Variants in ZNF469 observed in about 807,000 individuals in gnomAD.
The protein encoded by ZNF469 is zinc finger protein 469.
ZNF469 carries 1 observed loss-of-function variant against 1.0 expected under a neutral mutation model. The observed-to-expected ratio is 1.00, with a 90% confidence interval of 0.35 to 4.73. The LOEUF is 4.73. ZNF469 is among the 30% of genes most tolerant of loss of function. The pLI is 0.16. For missense variants in ZNF469, 6,100 were observed against 5,356.3 expected (o/e 1.14, Z -4.33); for synonymous variants, 2,703 against 2,363.4 (o/e 1.14, Z -4.17).
At chr16:88,253,622 C>A in the ZNF469 span, among the ~76,000 whole-genome samples, 2 of 151,156 alleles carry the variant, frequency 1.3e-5, no homozygotes, top group Admixed American at 6.6e-5. Context: ...ACTGCAAACT[C>A]TGCCTCCAGG....
the ZNF469 span, among the ~76,000 whole-genome samples, chr16:88,113,974 C>G: frequency 3.3e-5 from 5 of 152,122 alleles, no homozygotes; most frequent in African/African-American, 1.2e-4. Context: ...GTGGGCCGTG[C>G]GATGGGAGGT....
the ZNF469 span, among the ~76,000 whole-genome samples, chr16:88,165,389 G>A: frequency 6.6e-6 from 1 of 152,192 alleles, no homozygotes. Flanking sequence ...CATTGAGGGA[G>A]GACATTGCTG....
the ZNF469 span, among the ~76,000 whole-genome samples, chr16:88,225,573 C>T: frequency 6.7e-6 from 1 of 149,290 alleles, no homozygotes; most frequent in African/African-American, 2.4e-5. Context: ...CCCATGCCCT[C>T]TGCCGCAGCC....
chr16:88,427,319 C>A (rs1403819638), intron 2 of ZNF469, among the ~76,000 whole-genome samples, 26 bp from the exon 3 acceptor site: 1 of 152,310 alleles, frequency 6.6e-6, no homozygotes, highest in East Asian at 1.9e-4. Flanking sequence ...CCCTCTGCCC[C>A]ACTCACCCCT....
the ZNF469 span, among the ~76,000 whole-genome samples, chr16:88,151,618 G>A: frequency 1.3e-5 from 2 of 152,226 alleles, no homozygotes; most frequent in Non-Finnish European, 2.9e-5. This position sits in a 1 kb window ranked among gnomAD's most constrained non-coding sequence, Gnocchi z 5.4. Flanking sequence ...AGTGTCTTCC[G>A]TGTGGATTGG....
At chr16:88,102,334 A>G in the ZNF469 span, among the ~76,000 whole-genome samples, 4 of 152,100 alleles carry the variant, frequency 2.6e-5, no homozygotes, top group South Asian at 4.1e-4. Flanking sequence ...CCTGGCCAAC[A>G]TGGTGAAACC....
chr16:88,214,488 G>T, the ZNF469 span, among the ~76,000 whole-genome samples: 1 of 151,084 alleles, frequency 6.6e-6, no homozygotes, highest in Non-Finnish European at 1.5e-5. Flanking sequence ...TTTTTAGAAG[G>T]TATGGTTTTA....
At chr16:88,239,812 G>T in the ZNF469 span, among the ~76,000 whole-genome samples, 2 of 147,060 alleles carry the variant, frequency 1.4e-5, no homozygotes, top group Non-Finnish European at 3.0e-5. Flanking sequence ...TGCCTGCCTT[G>T]GCCTCCCAAA....
chr16:88,240,620 T>C, the ZNF469 span, among the ~76,000 whole-genome samples: 7 of 152,030 alleles, frequency 4.6e-5, no homozygotes, highest in African/African-American at 1.7e-4. Flanking sequence ...GATAGGCCAC[T>C]GTGTAAGATG....
At chr16:88,270,061 G>A in the ZNF469 span, among the ~76,000 whole-genome samples, 1 of 152,200 alleles carries the variant, frequency 6.6e-6, no homozygotes, top group African/African-American at 2.4e-5. Flanking sequence ...GCCATCATCA[G>A]CTGGAGACTG....
chr16:88,320,034 C>T, the ZNF469 span, among the ~76,000 whole-genome samples: 3 of 152,214 alleles, frequency 2.0e-5, no homozygotes, highest in African/African-American at 7.2e-5. Flanking sequence ...CCCCAAATGT[C>T]CAACAGCGGG....
At chr16:88,206,011 G>C in the ZNF469 span, among the ~76,000 whole-genome samples, 1 of 152,198 alleles carries the variant, frequency 6.6e-6, no homozygotes, top group Non-Finnish European at 1.5e-5. Flanking sequence ...CCCCACCCCG[G>C]GTGGCACAGG....
At chr16:88,133,963 T>C in the ZNF469 span, among the ~76,000 whole-genome samples, 3 of 152,104 alleles carry the variant, frequency 2.0e-5, no homozygotes, top group Non-Finnish European at 4.4e-5. Flanking sequence ...AGCATGGTGG[T>C]GGGCGCCTGT....
At chr16:88,384,805 C>A (rs1207321346) in intron 1 of ZNF469, among the ~76,000 whole-genome samples, 1 of 152,092 alleles carries the variant, frequency 6.6e-6, no homozygotes, top group African/African-American at 2.4e-5. Flanking sequence ...ATTTTGGGGT[C>A]ATGAACTTCA....
the ZNF469 span, among the ~76,000 whole-genome samples, chr16:88,134,339 C>G: frequency 6.6e-6 from 1 of 152,162 alleles, no homozygotes; most frequent in African/African-American, 2.4e-5. Context: ...CAAACGTTTA[C>G]GAACCACGTG....
the ZNF469 span, among the ~76,000 whole-genome samples, chr16:88,310,617 C>G: frequency 6.6e-6 from 1 of 151,150 alleles, no homozygotes; most frequent in African/African-American, 2.4e-5. Flanking sequence ...GAGTCTCGCT[C>G]TGTTGCCCAG....
chr16:88,224,094 G>A, the ZNF469 span, among the ~76,000 whole-genome samples: 1 of 152,240 alleles, frequency 6.6e-6, no homozygotes, highest in Admixed American at 6.5e-5. Context: ...AAACACGCCT[G>A]TTGTTTTCTC....
At chr16:88,381,790 C>T (rs142527063), upstream of ZNF469, among the ~76,000 whole-genome samples, 22 of 152,382 alleles carry the variant, frequency 1.4e-4, no homozygotes, top group East Asian at 3.7e-3. Context: ...AACCCCACTG[C>T]CATGTGCAGT....
the ZNF469 span, among the ~76,000 whole-genome samples, chr16:88,210,802 T>A: frequency 6.6e-6 from 1 of 152,258 alleles, no homozygotes; most frequent in African/African-American, 2.4e-5. Context: ...GGTCCCACAC[T>A]TTTTTCTCTC....
Sources: allele counts gnomAD v4.1 joint callset (sites outside exome capture counted in the v4.1 genomes callset), GRCh38; gene constraint gnomAD v4.1.1; non-coding constraint Gnocchi (gnomAD v3.1); transcripts MANE v1.5; gene names NCBI Gene and HGNC (gene_info 2026-07-23, HGNC 2026-07-21).